Variants in CSMD3 observed in about 807,000 individuals in gnomAD.
CSMD3 encodes the protein CUB and sushi domain-containing protein 3.
CSMD3 carries 177 observed loss-of-function variants against 435.2 expected under a neutral mutation model. The ratio of observed to expected loss-of-function variants is 0.41; its 90% CI spans 0.36 to 0.46. CSMD3 has a LOEUF of 0.46. CSMD3 is among the 20% of genes least tolerant of loss of function. CSMD3 has a pLI of 0.34. For missense variants in CSMD3, 4,265 were observed against 4,504.6 expected, an observed-to-expected ratio of 0.95 and a Z score of 1.52; for synonymous variants, 1,656 against 1,520.5, an observed-to-expected ratio of 1.09 and a Z score of -2.07.
intron 10 of CSMD3, among the ~76,000 whole-genome samples, chr8:112,900,059 A>G (rs893701438): frequency 2.0e-5 from 3 of 150,956 alleles, no homozygotes; most frequent in Non-Finnish European, 4.4e-5. Context: ...ATTTTTTCCA[A>G]TCATTCTATT....
At chr8:112,418,113 GA>G (rs1270510467) in intron 32 of CSMD3, among the ~76,000 whole-genome samples, 3 of 152,078 alleles carry the variant, frequency 2.0e-5, no homozygotes, top group Admixed American at 2.0e-4. Context: ...AGTACTGACA[GA>G]ACAGAAATAA....
At chr8:113,172,858 C>T (rs1331516957) in intron 4 of CSMD3, among the ~76,000 whole-genome samples, 1 of 152,132 alleles carries the variant, frequency 6.6e-6, no homozygotes, top group Non-Finnish European at 1.5e-5. Context: ...ACAATGTTGG[C>T]CTCCAGAATT....
At chr8:113,417,863 G>C (rs2094589444) in intron 1 of CSMD3, among the ~76,000 whole-genome samples, 1 of 151,826 alleles carries the variant, frequency 6.6e-6, no homozygotes, top group Non-Finnish European at 1.5e-5. Context: ...TATCATGGGA[G>C]AACTAGAACT....
chr8:112,441,973 A>C (rs556302840), intron 32 of CSMD3, among the ~76,000 whole-genome samples: 17 of 152,314 alleles, frequency 1.1e-4, no homozygotes, highest in African/African-American at 4.1e-4. Flanking sequence ...AGAAATGTGT[A>C]TTATTCCATT....
chr8:112,341,572 A>G lies in CSMD3; in HGVS notation c.6557T>C (p.Ile2186Thr). 6.2e-7 allele frequency: 1 copy of G among 1,612,886 alleles called. No individual in the cohort carries two copies. Among genetic ancestry groups the G allele is most frequent in the Non-Finnish European group, 8.5e-7 (1 of 1,178,940 alleles). ...TVIGRLSGPQ[I>T]PSSLFSTTHE... ...GGTGGTGCTGAATAAGGAAGATGGT[A>G]TTTGAGGACCACTAAGCCGGCCAAT... The change falls in exon 42 of 71, where the codon ATA becomes ACA. Residue 2186 changes from isoleucine (I) to threonine (T), a missense_variant. Physicochemically the swap from Ile to Thr is moderately conservative, Grantham distance 89. Coordinates refer to ENST00000297405, the MANE Select transcript of CSMD3 (RefSeq NM_198123.2).
In CSMD3 at chr8:112,424,318, A is replaced by AAATTTGTTTTTAATTT. The variant is rs1482614917; in HGVS notation, c.5396-15287_5396-15286insAAATTAAAAACAAATT. ...ACCATACCAAAGGCAAGAAGAATTA[A>AAATTTGTTTTTAATTT]TAGTAAGTTCTAAACAAATATTTAA... is the stretch of plus-strand genomic sequence containing the variant. On this transcript the variant is annotated intron_variant, in intron 32 of 70. Coordinates refer to ENST00000297405, the MANE Select transcript of CSMD3 (RefSeq NM_198123.2). 2.0e-5 allele frequency among the ~76,000 whole-genome samples: 3 copies of AAATTTGTTTTTAATTT among 152,216 alleles called. No homozygotes were observed. The East Asian group carries it at 5.8e-4, about 29-fold the overall frequency.
intron 38 of CSMD3, among the ~76,000 whole-genome samples, chr8:112,361,489 A>G (rs1041095060): frequency 6.7e-6 from 1 of 149,780 alleles, no homozygotes; most frequent in Non-Finnish European, 1.5e-5. Flanking sequence ...TGTATCAGAA[A>G]TGTTGTTAAT....
At chr8:112,718,297 A>G (rs1292823643) in intron 13 of CSMD3, among the ~76,000 whole-genome samples, 1 of 152,016 alleles carries the variant, frequency 6.6e-6, no homozygotes, top group Non-Finnish European at 1.5e-5. Context: ...ATACTCTATA[A>G]TATGAGTACT....
At chr8:112,940,985 T>C (rs1195749674) in intron 9 of CSMD3, among the ~76,000 whole-genome samples, 4 of 151,690 alleles carry the variant, frequency 2.6e-5, no homozygotes, top group African/African-American at 9.7e-5. Context: ...TACTCATATC[T>C]GATTACAAGG....
At chr8:113,266,089 G>A (rs923060141) in intron 3 of CSMD3, among the ~76,000 whole-genome samples, 15 of 149,440 alleles carry the variant, frequency 1.0e-4, no homozygotes, top group African/African-American at 3.7e-4. Flanking sequence ...AAGCATAATT[G>A]ACTTGATTCT....
At chr8:113,383,423 A>T (rs2094425860) in intron 1 of CSMD3, among the ~76,000 whole-genome samples, 1 of 152,226 alleles carries the variant, frequency 6.6e-6, no homozygotes, top group African/African-American at 2.4e-5. Flanking sequence ...TAACACAGGC[A>T]TCACTAGTAG....
In CSMD3 at chr8:113,052,382, G is replaced by T. The variant is rs750230249; in HGVS notation, c.918-33203C>A. The stretch of plus-strand genomic sequence containing the variant: ...GAAAAGGGGAATTAGGTATCTGTAA[G>T]TAAAGGATACATTCAACGGGATTTG... On this transcript the variant is annotated intron_variant, in intron 5 of 70. Coordinates refer to ENST00000297405, the MANE Select transcript of CSMD3 (RefSeq NM_198123.2). 3.9e-5 allele frequency among the ~76,000 whole-genome samples: 6 copies of T among 152,290 alleles called. No individual in the cohort carries two copies. In the East Asian group the frequency reaches 1.2e-3, roughly 29 times the overall value.
intron 13 of CSMD3, among the ~76,000 whole-genome samples, chr8:112,788,952 A>C (rs575829757): frequency 6.6e-6 from 1 of 152,260 alleles, no homozygotes; most frequent in Non-Finnish European, 1.5e-5. Flanking sequence ...GTCATGCTTA[A>C]AAGCCCTCTT....
intron 19 of CSMD3, among the ~76,000 whole-genome samples, chr8:112,648,846 G>A (rs1334757307): frequency 6.6e-6 from 1 of 152,070 alleles, no homozygotes; most frequent in East Asian, 1.9e-4. Context: ...AACCACCATG[G>A]TCTGTCTCAA....
intron 5 of CSMD3, among the ~76,000 whole-genome samples, chr8:113,058,650 T>C (rs1277380491): frequency 6.6e-6 from 1 of 151,980 alleles, no homozygotes; most frequent in African/African-American, 2.4e-5. Flanking sequence ...TGGGGGTACT[T>C]ATATTGCAAT....
At chr8:112,355,715 C>T (rs1440508453) in intron 38 of CSMD3, among the ~76,000 whole-genome samples, 3 of 152,046 alleles carry the variant, frequency 2.0e-5, no homozygotes, top group African/African-American at 7.2e-5. Context: ...TGCCTGTAGT[C>T]CCAGCTACTC....
intron 1 of CSMD3, among the ~76,000 whole-genome samples, chr8:113,330,798 G>C (rs2094021896): frequency 6.6e-6 from 1 of 151,830 alleles, no homozygotes; most frequent in Non-Finnish European, 1.5e-5. Flanking sequence ...TGGCAGAATT[G>C]AAGGGATAAG....
chr8:112,603,174 G>C (rs999816703), intron 22 of CSMD3, among the ~76,000 whole-genome samples: 6 of 152,268 alleles, frequency 3.9e-5, no homozygotes, highest in Admixed American at 2.6e-4. Context: ...CACTGCATCT[G>C]GCCCAATTCA....
chr8:112,506,858 C>T (rs1194011249), intron 28 of CSMD3, 29 bp from the exon 29 acceptor site: 5 of 1,577,740 alleles, frequency 3.2e-6, no homozygotes, highest in East Asian at 2.3e-5. Context: ...AATAAAATCT[C>T]TTTAAACATT....
Sources: gnomAD v4.1 joint callset for allele counts (sites outside exome capture counted in the v4.1 genomes callset) on GRCh38, gnomAD v4.1.1 for gene constraint, MANE v1.5 for transcripts, NCBI Gene and HGNC (gene_info 2026-07-23, HGNC 2026-07-21) for gene names.